SCN10A: variants seen among roughly 807,000 people sequenced by gnomAD.
The protein encoded by SCN10A is sodium channel protein type 10 subunit alpha.
Under a neutral mutation model 170.7 loss-of-function variants are expected in SCN10A, and 162 were observed. That is an observed-to-expected ratio of 0.95 (90% CI 0.84 to 1.08). The LOEUF (loss-of-function observed/expected upper bound fraction) is 1.08. Among genes scored for constraint, SCN10A ranks in the 50% least tolerant of loss-of-function variants. The pLI, the probability that SCN10A is intolerant of heterozygous loss-of-function variation, is 0.00. For synonymous variants in SCN10A, 985 were observed against 904.6 expected (o/e 1.09, Z -1.59); for missense variants, 2,527 against 2,436.9 (o/e 1.04, Z -0.78).
rs186689764 is a variant in SCN10A at position 38,809,008 on chromosome 3, G to T, written c.-33+7029C>A. ...AGTTACTACACAGGAAGATGAAGAA[G>T]TGCTCTGAGGTGACCTCTGCAAACT... On this transcript the variant is annotated intron_variant, in intron 1 of 27. Coordinates refer to ENST00000449082, the MANE Select transcript of SCN10A (RefSeq NM_006514.4). Among the ~76,000 whole-genome samples, 36 of 152,318 alleles carry T rather than the reference G, an allele frequency of 2.4e-4. No homozygotes were observed. In the East Asian group the frequency reaches 6.7e-3, roughly 29 times the overall value.
At chr3:38,747,189 T>A (rs1471951302) in intron 13 of SCN10A, among the ~76,000 whole-genome samples, 1 of 152,176 alleles carries the variant, frequency 6.6e-6, no homozygotes, top group African/African-American at 2.4e-5. Context: ...TACTCTACTG[T>A]CACAGCATCT....
chr3:38,805,986 G>C (rs1559473076), intron 1 of SCN10A, among the ~76,000 whole-genome samples: 1 of 152,144 alleles, frequency 6.6e-6, no homozygotes, highest in Non-Finnish European at 1.5e-5. Flanking sequence ...TGAGCGCCTA[G>C]TCTGGATTTG....
chr3:38,697,629 C>T lies in SCN10A; in HGVS notation c.5591G>A (p.Ser1864Asn). The change falls in exon 28 of 28, where the codon AGC (serine) becomes AAC (asparagine). Residue 1864 changes from serine (S) to asparagine (N), a missense_variant. By Grantham distance (46) the Ser-to-Asn change is conservative. Coordinates refer to ENST00000449082, the MANE Select transcript of SCN10A (RefSeq NM_006514.4). ...TGCCATGGAGCGGTGCAGCACATAG[C>T]TCCGATAGGCCTTTTGAATGACAGT... Reference protein sequence around the residue: ...SATVIQKAYRSYVLHRSMALS... With the variant: ...SATVIQKAYRNYVLHRSMALS... 5 of 1,614,192 alleles carry T rather than the reference C, an allele frequency of 3.1e-6. No homozygotes were observed. The highest frequency in any genetic ancestry group is 4.2e-6 in the Non-Finnish European group (5 of 1,180,038).
intron 25 of SCN10A, among the ~76,000 whole-genome samples, chr3:38,709,154 A>G (rs2063243571): frequency 6.6e-6 from 1 of 152,182 alleles, no homozygotes; most frequent in African/African-American, 2.4e-5. Flanking sequence ...CCAACAGGTC[A>G]GCAAGTTCTA....
chr3:38,718,613 G>A (rs910595887), intron 21 of SCN10A, 40 bp downstream of exon 21: 2 of 1,606,716 alleles, frequency 1.2e-6, no homozygotes, highest in Admixed American at 1.7e-5. Flanking sequence ...AGTCAGAGGG[G>A]AGGACCCCAA....
intron 19 of SCN10A, among the ~76,000 whole-genome samples, 195 bp from the exon 20 acceptor site, chr3:38,722,607 C>T (rs1435002756): frequency 6.6e-6 from 1 of 152,194 alleles, no homozygotes; most frequent in Non-Finnish European, 1.5e-5. Flanking sequence ...TGTTCCTCTC[C>T]ATCATCAGTC....
At chr3:38,699,294 T>C (rs1280132668) in intron 27 of SCN10A, among the ~76,000 whole-genome samples, 2 of 148,218 alleles carry the variant, frequency 1.3e-5, no homozygotes, top group South Asian at 2.2e-4. Context: ...TGCCCCCAAC[T>C]CCAACTATGA....
At chr3:38,775,152 A>G (rs2064057224) in intron 4 of SCN10A, among the ~76,000 whole-genome samples, 1 of 152,240 alleles carries the variant, frequency 6.6e-6, no homozygotes, top group Non-Finnish European at 1.5e-5. Flanking sequence ...AGTGGCATTA[A>G]GTACATTCAG....
chr3:38,782,148 CTTTA>C (rs969532737), intron 4 of SCN10A, among the ~76,000 whole-genome samples: 4 of 151,882 alleles, frequency 2.6e-5, no homozygotes, highest in Admixed American at 6.6e-5. Flanking sequence ...TTGTCCATTT[CTTTA>C]TTTGTCAACT....
chr3:38,756,023 C>T, intron 10 of SCN10A, 65 bp from the exon 11 acceptor site: 1 of 1,564,910 alleles, frequency 6.4e-7, no homozygotes, highest in Non-Finnish European at 8.8e-7. Context: ...AATGTGTCCC[C>T]CAGACATGGG....
chr3:38,772,117 G>GA (rs886441318), intron 4 of SCN10A, among the ~76,000 whole-genome samples: 1 of 152,052 alleles, frequency 6.6e-6, no homozygotes, highest in Non-Finnish European at 1.5e-5. Flanking sequence ...GTTGCATACT[G>GA]AAAAATGCAT....
chr3:38,750,450 C>T (rs1014631957), intron 12 of SCN10A, among the ~76,000 whole-genome samples: 1 of 152,194 alleles, frequency 6.6e-6, no homozygotes, highest in Non-Finnish European at 1.5e-5. Context: ...ATCTGTACAG[C>T]ATGTTATTGC....
At chr3:38,746,692 C>T (rs1162958106) in intron 13 of SCN10A, among the ~76,000 whole-genome samples, 1 of 152,092 alleles carries the variant, frequency 6.6e-6, no homozygotes, top group Non-Finnish European at 1.5e-5. Context: ...TTTTTCATTC[C>T]TTCAAATGTT....
At chr3:38,734,577 T>C (rs941577098) in intron 15 of SCN10A, among the ~76,000 whole-genome samples, 2 of 152,180 alleles carry the variant, frequency 1.3e-5, no homozygotes, top group African/African-American at 4.8e-5. Flanking sequence ...CTTTAACAGA[T>C]TGAAGGAGAA....
intron 26 of SCN10A, among the ~76,000 whole-genome samples, chr3:38,706,520 G>C (rs2063212786): frequency 6.6e-6 from 1 of 152,132 alleles, no homozygotes; most frequent in South Asian, 2.1e-4. Context: ...AATAATTTCT[G>C]ACACATCAAC....
At chr3:38,762,577 G>A (rs1449192486) in intron 6 of SCN10A, among the ~76,000 whole-genome samples, 1 of 152,180 alleles carries the variant, frequency 6.6e-6, no homozygotes, top group African/African-American at 2.4e-5. Flanking sequence ...TGAGATGTGA[G>A]GAGAGGTGAG....
chr3:38,701,706 T>A, intron 27 of SCN10A, 133 bp downstream of exon 27: 1 of 815,402 alleles, frequency 1.2e-6, no homozygotes, highest in Middle Eastern at 3.5e-4. Flanking sequence ...CTTGGAAAGC[T>A]GCAAATACAG....
chr3:38,769,456 G>T (rs1406984554), intron 5 of SCN10A, among the ~76,000 whole-genome samples: 1 of 151,966 alleles, frequency 6.6e-6, no homozygotes, highest in Non-Finnish European at 1.5e-5. Context: ...CTTCAGGCTG[G>T]TCTTGAACTT....
In SCN10A at chr3:38,756,051, T is replaced by A. The variant is rs2063800963; in HGVS notation, c.1291-93A>T. 4 of 1,386,662 alleles carry A rather than the reference T, an allele frequency of 2.9e-6. No homozygotes were observed. The South Asian group carries it at 3.6e-5, about 13-fold the overall frequency. The allele number at this position is 1,386,662 out of a possible 1,614,324, so 85.9% of individuals were successfully genotyped here. A position where few individuals can be genotyped will look rare whatever the true frequency, so the allele number is the denominator to read the frequency against. The stretch of plus-strand genomic sequence containing the variant: ...GACATGGGGTGCCAGGGGTGAGAGA[T>A]CTGAAACAGAGAAGCTGAAGGGTTA... On this transcript the variant is annotated intron_variant, in intron 10 of 27. Transcript: ENST00000449082.
Sources: gnomAD v4.1 joint callset for allele counts (sites outside exome capture counted in the v4.1 genomes callset) on GRCh38, gnomAD v4.1.1 for gene constraint, MANE v1.5 for transcripts, NCBI Gene and HGNC (gene_info 2026-07-23, HGNC 2026-07-21) for gene names.